VPS13B: variants seen among roughly 807,000 people sequenced by gnomAD.
VPS13B encodes the protein intermembrane lipid transfer protein VPS13B.
A neutral mutation model predicts 426.4 loss-of-function variants in VPS13B; 285 were observed. The ratio of observed to expected loss-of-function variants is 0.67; its 90% CI spans 0.61 to 0.74. The LOEUF is 0.74. Ranked by LOEUF, VPS13B falls within the 30% of genes least tolerant of loss-of-function variation. The pLI is 0.00. For synonymous variants in VPS13B, 1,676 were observed against 1,676.4 expected, an observed-to-expected ratio of 1.00 and a Z score of 0.01; for missense variants, 4,537 against 4,782.6, an observed-to-expected ratio of 0.95 and a Z score of 1.51.
At chr8:99,023,418 G>T (rs1290973556) in intron 2 of VPS13B, among the ~76,000 whole-genome samples, 1 of 151,308 alleles carries the variant, frequency 6.6e-6, no homozygotes, top group Non-Finnish European at 1.5e-5. Flanking sequence ...CAAAAGACAA[G>T]ATTTTTTTTC....
intron 3 of VPS13B, among the ~76,000 whole-genome samples, chr8:99,071,574 G>C (rs1271569240): frequency 6.6e-6 from 1 of 152,132 alleles, no homozygotes; most frequent in African/African-American, 2.4e-5. Flanking sequence ...ACCACTGTGT[G>C]GCTACTGTTG....
intron 36 of VPS13B, among the ~76,000 whole-genome samples, chr8:99,711,426 G>A (rs76017542): frequency 0.032 from 4,896 of 152,212 alleles, 114 homozygotes; most frequent in Non-Finnish European, 0.046. Flanking sequence ...GCAAACATTA[G>A]CATCTTATTA....
intron 12 of VPS13B, among the ~76,000 whole-genome samples, chr8:99,138,335 C>T (rs2132564480): frequency 6.6e-6 from 1 of 152,312 alleles, no homozygotes; most frequent in Admixed American, 6.5e-5. Context: ...CCATGTTGGC[C>T]AGGCTGGACT....
At chr8:99,558,412 T>TATTATC (rs1191372344) in intron 31 of VPS13B, among the ~76,000 whole-genome samples, 156 of 152,064 alleles carry the variant, frequency 1.0e-3, no homozygotes, top group African/African-American at 3.5e-3. Flanking sequence ...GTTTTCTTTT[T>TATTATC]ATTATTATTA....
chr8:99,856,290 T>G (rs916196411), intron 56 of VPS13B, among the ~76,000 whole-genome samples: 1 of 152,190 alleles, frequency 6.6e-6, no homozygotes, highest in Admixed American at 6.5e-5. Context: ...TGTTGGAAAC[T>G]CTGTCACTAA....
rs765550072 is a variant in VPS13B, at chr8:99,809,482, T to C, written c.8049T>C (p.Thr2683=). Residue 2683 remains threonine (T), a synonymous_variant, in exon 44 of 62, where the codon ACT becomes ACC. Transcript: ENST00000357162. ...GAACAATTCAGTACAGGGGTCGAAC[T>C]GCTTCTCTCATCATCAAGGTTCAGC... is the stretch of plus-strand genomic sequence containing the variant. The part of the protein sequence containing the change: ...FIRTIQYRGR[T]ASLIIKVQQL... The C allele has an allele frequency of 1.5e-5, 24 of 1,613,980 alleles. 1 individual carries two copies. The highest frequency in any genetic ancestry group is 1.9e-5 in the Non-Finnish European group (23 of 1,179,988).
At chr8:99,732,811 G>A (rs1378570024) in intron 39 of VPS13B, among the ~76,000 whole-genome samples, 1 of 152,236 alleles carries the variant, frequency 6.6e-6, no homozygotes, top group Non-Finnish European at 1.5e-5. Flanking sequence ...TGAAATGCTA[G>A]CATTCCTTGC....
chr8:99,765,928 G>C (rs1811194926), intron 39 of VPS13B, among the ~76,000 whole-genome samples: 1 of 151,956 alleles, frequency 6.6e-6, no homozygotes, highest in African/African-American at 2.4e-5. Flanking sequence ...TTAGCCTTCA[G>C]CAGTTTTATC....
intron 51 of VPS13B, 81 bp from the exon 52 acceptor site, chr8:99,832,288 A>G: frequency 1.4e-6 from 2 of 1,426,048 alleles, no homozygotes; most frequent in Non-Finnish European, 1.8e-6. Context: ...AAAAGAAGAT[A>G]TGCTTTAAAA....
chr8:99,828,392 CCGTTTTTTTTTTTTTT>C (rs1416395667), intron 51 of VPS13B, among the ~76,000 whole-genome samples: 9,477 of 46,234 alleles, frequency 0.2, 1,906 homozygotes, highest in Admixed American at 0.4. Flanking sequence ...ATTACAACCA[CCGTTTTTTTTTTTTTT>C]TTTTTTTTTT....
chr8:99,130,429 C>A (rs1809718722), intron 8 of VPS13B, among the ~76,000 whole-genome samples: 1 of 150,756 alleles, frequency 6.6e-6, no homozygotes, highest in East Asian at 1.9e-4. Context: ...ACACTGTTGC[C>A]CAGGCTGGAG....
At chr8:99,254,804 A>G (rs1817666137) in intron 17 of VPS13B, among the ~76,000 whole-genome samples, 1 of 151,710 alleles carries the variant, frequency 6.6e-6, no homozygotes, top group Admixed American at 6.6e-5. Flanking sequence ...CACCATGCCT[A>G]GCTGATTTTT....
At chr8:99,690,283 A>G (rs143659881) in intron 35 of VPS13B, among the ~76,000 whole-genome samples, 2 of 152,352 alleles carry the variant, frequency 1.3e-5, no homozygotes, top group East Asian at 3.9e-4. Context: ...TACCTCATAC[A>G]GTATACACAC....
intron 29 of VPS13B, among the ~76,000 whole-genome samples, chr8:99,516,439 T>C (rs962933922): frequency 6.6e-6 from 1 of 152,176 alleles, no homozygotes; most frequent in African/African-American, 2.4e-5. Context: ...CTATTCATTT[T>C]ATTTTAGAAA....
intron 3 of VPS13B, among the ~76,000 whole-genome samples, chr8:99,091,485 T>G (rs895892189): frequency 6.6e-6 from 1 of 152,164 alleles, no homozygotes; most frequent in Non-Finnish European, 1.5e-5. Flanking sequence ...CTAAAGTTGA[T>G]GTGTGAAGAG....
At chr8:99,066,471 C>G (rs1464500083) in intron 3 of VPS13B, among the ~76,000 whole-genome samples, 1 of 152,172 alleles carries the variant, frequency 6.6e-6, no homozygotes, top group Non-Finnish European at 1.5e-5. Flanking sequence ...GAAACTGGAT[C>G]CCTTCCTTAC....
At chr8:99,197,764 G>A (rs1814026772) in intron 17 of VPS13B, among the ~76,000 whole-genome samples, 1 of 152,082 alleles carries the variant, frequency 6.6e-6, no homozygotes, top group Non-Finnish European at 1.5e-5. Flanking sequence ...TTGATAGGTT[G>A]TGTATTTTGT....
intron 19 of VPS13B, chr8:99,346,464 A>G (rs1055662293): frequency 6.6e-6 from 1 of 152,204 alleles, no homozygotes; most frequent in Non-Finnish European, 1.5e-5. Flanking sequence ...TCTCCTGGTG[A>G]CAACATTACC....
chr8:99,384,384 T>C (rs1814003804), intron 20 of VPS13B, 67 bp downstream of exon 20: 1 of 1,282,036 alleles, frequency 7.8e-7, no homozygotes. Flanking sequence ...TAGAATTATA[T>C]ATGTCTTTTG....
Sources: allele counts gnomAD v4.1 joint callset (sites outside exome capture counted in the v4.1 genomes callset), GRCh38; gene constraint gnomAD v4.1.1; transcripts MANE v1.5; gene names NCBI Gene and HGNC (gene_info 2026-07-23, HGNC 2026-07-21).